AP2B1: variants seen among roughly 807,000 people sequenced by gnomAD.
AP2B1 encodes the protein AP-2 complex subunit beta.
Under a neutral mutation model 102.0 loss-of-function variants are expected in AP2B1, and 23 were observed. That is an observed-to-expected ratio of 0.23 (90% CI 0.16 to 0.32). The LOEUF (loss-of-function observed/expected upper bound fraction) is 0.32. Among genes scored for constraint, AP2B1 ranks in the 10% least tolerant of loss-of-function variants. The probability of loss-of-function intolerance (pLI) is 1.00; values close to 1 mark genes in which losing one functional copy is unlikely to be tolerated. For synonymous variants in AP2B1, 381 were observed against 421.2 expected (o/e 0.90, Z 1.17); for missense variants, 541 against 1,157.4 (o/e 0.47, Z 7.73).
At chr17:35,718,116 T>C (rs1236365919) in intron 21 of AP2B1, among the ~76,000 whole-genome samples, 1 of 152,196 alleles carries the variant, frequency 6.6e-6, no homozygotes, top group African/African-American at 2.4e-5. Context: ...ATCTATTTAT[T>C]TCTGAGGAAG....
At chr17:35,616,520 A>G (rs2074026679) in intron 5 of AP2B1, among the ~76,000 whole-genome samples, 1 of 152,182 alleles carries the variant, frequency 6.6e-6, no homozygotes. Context: ...AAAGTTACAA[A>G]GACAGTACAG....
At chr17:35,653,525 G>A (rs887652801) in intron 13 of AP2B1, among the ~76,000 whole-genome samples, 1 of 152,178 alleles carries the variant, frequency 6.6e-6, no homozygotes, top group Non-Finnish European at 1.5e-5. Context: ...CCAGGCTGGA[G>A]TGCAGTGGTG....
chr17:35,594,548 G>A (rs963478480), intron 2 of AP2B1, among the ~76,000 whole-genome samples: 9 of 152,112 alleles, frequency 5.9e-5, no homozygotes, highest in African/African-American at 1.4e-4. Context: ...CTGCATATGA[G>A]TGCATATATT....
chr17:35,677,883 G>T (rs761278570), intron 17 of AP2B1, among the ~76,000 whole-genome samples: 60 of 144,528 alleles, frequency 4.2e-4, no homozygotes, highest in Non-Finnish European at 4.1e-4. Context: ...TTTTGAGACA[G>T]AGTTTTTCGC....
intron 18 of AP2B1, among the ~76,000 whole-genome samples, chr17:35,699,495 A>G (rs931460783): frequency 1.3e-5 from 2 of 152,160 alleles, no homozygotes; most frequent in Admixed American, 1.3e-4. Context: ...ATCATGTAAT[A>G]CCCCTGATCT....
rs559344518 is a variant in AP2B1, at chr17:35,657,072, C to T, written c.1797-527C>T. Among the ~76,000 whole-genome samples the T allele has an allele frequency of 2.0e-4, 30 of 152,298 alleles. No individual in the cohort carries two copies. The South Asian group carries it at 6.0e-3, about 31-fold the overall frequency. ...CTTCTCTTCCTCTTTGGAGGTTTCT[C>T]TCTGGTAGTTCCTCATAAAACCATT... On this transcript the variant is annotated intron_variant, in intron 13 of 21. Coordinates refer to ENST00000610402, the MANE Select transcript of AP2B1 (RefSeq NM_001030006.2).
chr17:35,689,453 A>AC (rs1184995526), intron 18 of AP2B1, among the ~76,000 whole-genome samples: 1 of 152,088 alleles, frequency 6.6e-6, no homozygotes, highest in East Asian at 1.9e-4. Context: ...ATGAGCTACC[A>AC]CCCCCAGCTC....
At chr17:35,712,496 C>T (rs1221070929) in intron 20 of AP2B1, among the ~76,000 whole-genome samples, 1 of 151,972 alleles carries the variant, frequency 6.6e-6, no homozygotes, top group South Asian at 2.1e-4. Flanking sequence ...GGCGTGGTGG[C>T]GGGCACCTGT....
At chr17:35,672,254 T>C (rs551361901) in intron 16 of AP2B1, among the ~76,000 whole-genome samples, 9 of 152,340 alleles carry the variant, frequency 5.9e-5, no homozygotes, top group African/African-American at 1.9e-4. Context: ...ATTTCTCTTA[T>C]TCCTCTTTCC....
intron 5 of AP2B1, 69 bp downstream of exon 5, chr17:35,608,456 A>G (rs975215843): frequency 6.4e-7 from 1 of 1,571,498 alleles, no homozygotes; most frequent in African/African-American, 1.4e-5. Flanking sequence ...CGTGTTTAAT[A>G]TGAACCTTGT....
At chr17:35,695,517 G>A (rs762506530) in intron 18 of AP2B1, among the ~76,000 whole-genome samples, 1 of 151,836 alleles carries the variant, frequency 6.6e-6, no homozygotes, top group Admixed American at 6.6e-5. Flanking sequence ...TATACCACTG[G>A]CCTGTTCCAT....
At chr17:35,649,180 A>G (rs997028232) in intron 12 of AP2B1, among the ~76,000 whole-genome samples, 18 of 152,196 alleles carry the variant, frequency 1.2e-4, no homozygotes, top group African/African-American at 4.3e-4. Context: ...CTTAATAAAT[A>G]TTTGAATGAA....
intron 18 of AP2B1, among the ~76,000 whole-genome samples, chr17:35,694,359 T>G (rs894708040): frequency 1.3e-5 from 2 of 151,496 alleles, no homozygotes; most frequent in African/African-American, 4.8e-5. Context: ...TCTTCCCACC[T>G]TAGCCTCCCA....
intron 3 of AP2B1, among the ~76,000 whole-genome samples, chr17:35,601,872 G>A (rs1221934790): frequency 6.6e-6 from 1 of 151,408 alleles, no homozygotes; most frequent in Non-Finnish European, 1.5e-5. Context: ...CCGACTCCCG[G>A]GTTCAAGTGA....
At chr17:35,626,295 T>C (rs1444884893) in intron 6 of AP2B1, among the ~76,000 whole-genome samples, 2 of 152,130 alleles carry the variant, frequency 1.3e-5, no homozygotes, top group Non-Finnish European at 2.9e-5. Flanking sequence ...TAACATAATA[T>C]GGGGAGACAA....
At chr17:35,597,152 G>C (rs2142322733) in intron 2 of AP2B1, 6 of 482,268 alleles carry the variant, frequency 1.2e-5, no homozygotes, top group South Asian at 1.2e-4. Flanking sequence ...TTTCTATGCT[G>C]GTAAATGAGA....
chr17:35,615,523 TC>T (rs2073987947), intron 5 of AP2B1, among the ~76,000 whole-genome samples: 1 of 152,202 alleles, frequency 6.6e-6, no homozygotes. Flanking sequence ...AGAATTTTTG[TC>T]AGAATATATT....
chr17:35,627,224 G>A (rs2074339140), intron 7 of AP2B1, among the ~76,000 whole-genome samples, 161 bp from the exon 8 acceptor site: 1 of 149,116 alleles, frequency 6.7e-6, no homozygotes, highest in East Asian at 2.0e-4. Flanking sequence ...TAAGAATAGA[G>A]GCGTATAGAG....
At chr17:35,707,397 T>C (rs1321836401) in intron 18 of AP2B1, among the ~76,000 whole-genome samples, 1 of 151,754 alleles carries the variant, frequency 6.6e-6, no homozygotes, top group East Asian at 1.9e-4. Flanking sequence ...GTGATCTGCC[T>C]GCCTTGGCCT....
Sources: gnomAD v4.1 joint callset for allele counts (sites outside exome capture counted in the v4.1 genomes callset) on GRCh38, gnomAD v4.1.1 for gene constraint, MANE v1.5 for transcripts, NCBI Gene and HGNC (gene_info 2026-07-23, HGNC 2026-07-21) for gene names.